PSMD9: variants seen among roughly 807,000 people sequenced by gnomAD.
PSMD9 encodes the protein proteasome 26S subunit, non-ATPase 9, also known as 26S proteasome non-ATPase regulatory subunit 9.
PSMD9 carries 26 observed loss-of-function variants against 25.9 expected under a neutral mutation model. The ratio of observed to expected loss-of-function variants is 1.00; its 90% CI spans 0.73 to 1.39. The LOEUF is 1.39. Among genes scored for constraint, PSMD9 ranks in the 40% most tolerant of loss-of-function variants. The probability of loss-of-function intolerance (pLI) is 0.00; values close to 1 mark genes in which losing one functional copy is unlikely to be tolerated. For missense variants in PSMD9, 303 were observed against 299.3 expected (o/e 1.01, Z -0.09); for synonymous variants, 110 against 114.5 (o/e 0.96, Z 0.25).
At chr12:121,902,193 T>C (rs909327092) in intron 3 of PSMD9, 2 of 152,212 alleles carry the variant, frequency 1.3e-5, no homozygotes, top group African/African-American at 2.4e-5. Flanking sequence ...TCTTTACTCA[T>C]TTCATCCTCG....
intron 4 of PSMD9, among the ~76,000 whole-genome samples, chr12:121,912,005 GCTTA>G (rs1220721249): frequency 7.1e-6 from 1 of 141,708 alleles, no homozygotes; most frequent in African/African-American, 2.7e-5. Context: ...GAATGAGCTT[GCTTA>G]TTTATTTATT....
At chr12:121,890,000 C>T (rs1363223851) in intron 1 of PSMD9, among the ~76,000 whole-genome samples, 1 of 152,094 alleles carries the variant, frequency 6.6e-6, no homozygotes, top group African/African-American at 2.4e-5. Flanking sequence ...TCACTGCAGC[C>T]TCTGCCTCCT....
At chr12:121,891,051 C>T (rs1338874692) in intron 1 of PSMD9, among the ~76,000 whole-genome samples, 1 of 139,960 alleles carries the variant, frequency 7.1e-6, no homozygotes, top group Admixed American at 7.1e-5. Context: ...TGGTCTCGAT[C>T]TCCTGACCTC....
rs1879939483 is a variant in PSMD9 at position 121,917,221 on chromosome 12, A to T, written c.*910A>T. 8.6e-6 allele frequency: 1 copy of T among 116,274 alleles called. No homozygotes were observed. Among genetic ancestry groups the T allele is most frequent in the Admixed American group, 9.4e-5 (1 of 10,590 alleles). The allele number at this position is 116,274 out of a possible 1,614,324, so 7.2% of individuals were successfully genotyped here. ...AGGTTGGTCTCGAACTCCTGGGCTC[A>T]AGCAGTCCTCCTGCCTTGGCCTCCT... On this transcript the variant is annotated 3_prime_UTR_variant, in exon 6 of 6. Coordinates refer to ENST00000541212, the MANE Select transcript of PSMD9 (RefSeq NM_002813.7).
Position 121,888,942 on chromosome 12 carries a change from G to C in PSMD9, c.86G>C (p.Arg29Pro). ...AGCGACGTCCAGGAGCTGATGCGGC[G>C]CAAGGAGGAGATAGAAGCGCAGATC... ...TVSDVQELMR[R>P]KEEIEAQIKA... Residue 29 changes from arginine to proline, a missense_variant, in exon 1 of 6, where the codon CGC (arginine) becomes CCC (proline). By Grantham distance (103) the Arg-to-Pro change is moderately radical. Coordinates refer to ENST00000541212, the MANE Select transcript of PSMD9 (RefSeq NM_002813.7). 6.3e-7 allele frequency: 1 copy of C among 1,592,418 alleles called. No individual in the cohort carries two copies. The highest frequency in any genetic ancestry group is 8.5e-7 in the Non-Finnish European group (1 of 1,170,140).
Position 121,910,537 on chromosome 12 carries a change from G to A in PSMD9, c.556-5319G>A, listed in dbSNP as rs577939758. On this transcript the variant is annotated intron_variant, in intron 4 of 5. Coordinates refer to ENST00000541212, the MANE Select transcript of PSMD9 (RefSeq NM_002813.7). ...AGCACTTTGGGAGGCCAAGGTGGGC[G>A]GATCACCTGAGGTCAGGAGCTGGAG... Among the ~76,000 whole-genome samples the A allele has an allele frequency of 7.2e-4, 109 of 151,768 alleles. No homozygotes were observed. The Middle Eastern group carries it at 0.01, about 14-fold the overall frequency.
chr12:121,916,169 G>T, intron 5 of PSMD9, 115 bp from the exon 6 acceptor site: 1 of 1,381,924 alleles, frequency 7.2e-7, no homozygotes, highest in Non-Finnish European at 1.0e-6. Flanking sequence ...CATGCACTAG[G>T]CATTTGCTTT....
chr12:121,897,665 G>T (rs988037332), intron 2 of PSMD9: 37 of 149,784 alleles, frequency 2.5e-4, no homozygotes, highest in Admixed American at 6.6e-4. Context: ...CTCGACAGGC[G>T]TGAGCCACCA....
intron 4 of PSMD9, among the ~76,000 whole-genome samples, chr12:121,904,639 T>TTTATTATTATTATTATTA (rs71082909): frequency 0.16 from 22,804 of 138,680 alleles, 2,397 homozygotes; most frequent in Non-Finnish European, 0.22. Flanking sequence ...CCATCTGAAA[T>TTTATTATTATTATTATTA]TTATTATTAT....
At chr12:121,911,341 C>A (rs955167917) in intron 4 of PSMD9, among the ~76,000 whole-genome samples, 3 of 152,050 alleles carry the variant, frequency 2.0e-5, no homozygotes, top group African/African-American at 4.8e-5. Context: ...TTTTGTCTGG[C>A]TTATTTCACT....
intron 3 of PSMD9, among the ~76,000 whole-genome samples, chr12:121,901,167 C>G (rs1879384786): frequency 6.6e-6 from 1 of 152,072 alleles, no homozygotes; most frequent in Admixed American, 6.6e-5. Flanking sequence ...TAAAGAAACT[C>G]TGTAGTGATT....
At chr12:121,908,507 T>TCTCTCCCTTCCTTAGTGC (rs1247601086) in intron 4 of PSMD9, among the ~76,000 whole-genome samples, 3 of 152,130 alleles carry the variant, frequency 2.0e-5, no homozygotes, top group African/African-American at 7.2e-5. Context: ...AAGTCCTGTG[T>TCTCTCCCTTCCTTAGTGC]CTCTCCCTTC....
rs758701952 is a variant in PSMD9, at chr12:121,888,815, G to A, written c.-42G>A. On this transcript the variant is annotated 5_prime_UTR_variant, in exon 1 of 6. Coordinates refer to ENST00000541212, the MANE Select transcript of PSMD9 (RefSeq NM_002813.7). ...ACGGTCGACTGGGGCGTCGTCCCTA[G>A]CCCGGGAGCCGGGTCTCTGGAGTCG... is the stretch of plus-strand genomic sequence containing the variant. 14 of 1,582,272 alleles carry A rather than the reference G, an allele frequency of 8.8e-6. No individual in the cohort carries two copies. Among genetic ancestry groups the A allele is most frequent in the Non-Finnish European group, 1.1e-5 (13 of 1,165,416 alleles).
chr12:121,903,516 T>C (rs1879460772), intron 4 of PSMD9, among the ~76,000 whole-genome samples: 1 of 152,156 alleles, frequency 6.6e-6, no homozygotes, highest in South Asian at 2.1e-4. Flanking sequence ...CTGGAGTTAC[T>C]GGAAGTGTTG....
At chr12:121,891,612 A>G (rs974357411) in intron 1 of PSMD9, among the ~76,000 whole-genome samples, 1 of 151,220 alleles carries the variant, frequency 6.6e-6, no homozygotes, top group African/African-American at 2.4e-5. Context: ...GAAAAAAGAA[A>G]AAAAAAAAAA....
rs775526435 is a variant in PSMD9, at chr12:121,916,355, T to C, written c.*44T>C. ...AACAGGAAAGCATCTTCCCTTGCCC[T>C]GGACTTGGGTCTAGGGATTTCCAAC... On this transcript the variant is annotated 3_prime_UTR_variant, in exon 6 of 6. Transcript: ENST00000541212. 9 of 1,604,112 alleles carry C rather than the reference T, an allele frequency of 5.6e-6. No individual in the cohort carries two copies. In the East Asian group the frequency reaches 8.9e-5, roughly 16 times the overall value.
At chr12:121,889,026 C>G (rs12371257) in intron 1 of PSMD9, 32 bp downstream of exon 1, 1 of 1,562,140 alleles carries the variant, frequency 6.4e-7, no homozygotes, top group African/African-American at 1.3e-5. Context: ...CCCAAGTCGC[C>G]TAACCCGGCC....
In PSMD9 at chr12:121,903,053, C is replaced by G. The variant is rs755152620; in HGVS notation, c.501C>G (p.Thr167=). The part of the protein sequence containing the change: ...DEIVEFGSVN[T]QNFQSLHNIG... ...TTGTGGAGTTCGGCTCTGTGAACAC[C>G]CAGAACTTCCAGTCACTGCATAACA... Residue 167 remains threonine (T), a synonymous_variant, in exon 4 of 6, where the codon ACC becomes ACG. Transcript: ENST00000541212. 3 of 1,614,052 alleles carry G rather than the reference C, an allele frequency of 1.9e-6. No individual in the cohort carries two copies. Among genetic ancestry groups the G allele is most frequent in the Non-Finnish European group, 2.5e-6 (3 of 1,179,988 alleles).
At chr12:121,910,083 C>CTTTTTTTTTTTT (rs34940246) in intron 4 of PSMD9, among the ~76,000 whole-genome samples, 3 of 95,564 alleles carry the variant, frequency 3.1e-5, no homozygotes, top group Non-Finnish European at 5.7e-5. Flanking sequence ...TAGGAAATGA[C>CTTTTTTTTTTTT]TTTTTTTTTT....
Sources: gnomAD v4.1 joint callset for allele counts (sites outside exome capture counted in the v4.1 genomes callset) on GRCh38, gnomAD v4.1.1 for gene constraint, MANE v1.5 for transcripts, NCBI Gene and HGNC (gene_info 2026-07-23, HGNC 2026-07-21) for gene names.